Variants in FREM2 observed in about 807,000 individuals in gnomAD.
The protein encoded by FREM2 is FRAS1 related extracellular matrix 2, also known as FRAS1-related extracellular matrix protein 2.
FREM2 carries 119 observed loss-of-function variants against 219.9 expected under a neutral mutation model. The ratio of observed to expected loss-of-function variants is 0.54; its 90% CI spans 0.47 to 0.63. The LOEUF (loss-of-function observed/expected upper bound fraction) is 0.63, where lower values mean the gene tolerates loss of function less well. Ranked by LOEUF, FREM2 falls within the 30% of genes least tolerant of loss-of-function variation. The pLI is 0.00. For missense variants in FREM2, 4,030 were observed against 3,993.6 expected (o/e 1.01, Z -0.25); for synonymous variants, 1,562 against 1,522.8 (o/e 1.03, Z -0.60).
At chr13:38,702,315 C>T (rs1044620521) in intron 2 of FREM2, among the ~76,000 whole-genome samples, 17 of 151,970 alleles carry the variant, frequency 1.1e-4, no homozygotes, top group Middle Eastern at 3.2e-3. Context: ...AAAAACTTGT[C>T]GGTTTATTAT....
At chr13:38,814,465 G>T (rs1338857810) in intron 6 of FREM2, among the ~76,000 whole-genome samples, 1 of 152,160 alleles carries the variant, frequency 6.6e-6, no homozygotes, top group Non-Finnish European at 1.5e-5. Flanking sequence ...GGATTACAAG[G>T]CAGAGGCTCT....
intron 5 of FREM2, among the ~76,000 whole-genome samples, chr13:38,783,715 T>C (rs1219891995): frequency 6.6e-6 from 1 of 152,220 alleles, no homozygotes; most frequent in East Asian, 1.9e-4. Context: ...AATCAAAAGT[T>C]ATATATGCTG....
At position 38,857,926 on chromosome 13, in the gene FREM2, A is replaced by G; in HGVS notation, c.7108A>G (p.Thr2370Ala). Reference protein sequence around the residue: ...IEEMSSMADVTFPSVPQIVSL... With the variant: ...IEEMSSMADVAFPSVPQIVSL... ...AGAAATGAGCAGCATGGCAGATGTC[A>G]CTTTTCCTTCTGTCCCTCAAATTGT... The change falls in exon 13 of 24, where the codon ACT (threonine) becomes GCT (alanine). Residue 2370 changes from threonine (T) to alanine (A), a missense_variant. Around this residue, in one of 2 missense-constraint regions of FREM2, gnomAD observed 928 missense variants for 1,042.9 expected, o/e 0.89. Transcript: ENST00000280481. 5 of 1,613,870 alleles carry G rather than the reference A, an allele frequency of 3.1e-6. No individual in the cohort carries two copies. The South Asian group carries it at 4.4e-5, about 14-fold the overall frequency.
chr13:38,704,015 G>T (rs982437629), intron 2 of FREM2, among the ~76,000 whole-genome samples: 43 of 152,232 alleles, frequency 2.8e-4, no homozygotes, highest in African/African-American at 9.9e-4. Flanking sequence ...TGCTCTGATG[G>T]CTGGGAGAAG....
rs759639276 is a variant in FREM2, at chr13:38,850,061, C to T, written c.6403C>T (p.Arg2135Ter). ...SDLPKMQFKE[R>*]IYTGSESDGQ... ...AGTGCCTAAGATGCAATTCAAAGAA[C>T]GAATATATACTGGCAGCGAAAGTGA... Residue 2135 changes from arginine to a stop codon, truncating the protein, a stop_gained, in exon 9 of 24, where the codon CGA becomes TGA. Coordinates refer to ENST00000280481, the MANE Select transcript of FREM2 (RefSeq NM_207361.6). LOFTEE classifies it high-confidence loss of function. 1.3e-5 allele frequency: 21 copies of T among 1,613,784 alleles called. No individual in the cohort carries two copies. The highest frequency in any genetic ancestry group is 1.8e-5 in the Non-Finnish European group (21 of 1,179,738).
intron 9 of FREM2, among the ~76,000 whole-genome samples, chr13:38,850,671 G>A (rs749031687): frequency 6.6e-6 from 1 of 152,202 alleles, no homozygotes; most frequent in Non-Finnish European, 1.5e-5. Flanking sequence ...ATTGACATTT[G>A]TGCTTTTTCC....
intron 2 of FREM2, among the ~76,000 whole-genome samples, chr13:38,715,041 G>T (rs937475492): frequency 1.3e-5 from 2 of 152,134 alleles, no homozygotes; most frequent in Non-Finnish European, 2.9e-5. Context: ...ACAGTGAGCC[G>T]AGATCGTGCC....
intron 6 of FREM2, among the ~76,000 whole-genome samples, chr13:38,830,508 T>C (rs1876466066): frequency 6.6e-6 from 1 of 152,326 alleles, no homozygotes; most frequent in South Asian, 2.1e-4. Context: ...CCATGCTTGG[T>C]TTGCTTTTTT....
intron 6 of FREM2, among the ~76,000 whole-genome samples, chr13:38,790,888 A>G (rs1468759240): frequency 6.6e-6 from 1 of 152,204 alleles, no homozygotes. Flanking sequence ...AGATTATTTG[A>G]AGTCTTATTT....
chr13:38,780,198 A>C (rs1157755106), intron 4 of FREM2, among the ~76,000 whole-genome samples: 2 of 152,198 alleles, frequency 1.3e-5, no homozygotes, highest in Non-Finnish European at 2.9e-5. Context: ...ATATGTTTAA[A>C]ATGGAACTGT....
chr13:38,878,234 T>C lies in FREM2; in HGVS notation c.8772T>C (p.Asp2924=), dbSNP rs148086337. The C allele has an allele frequency of 1.6e-4, 252 of 1,613,792 alleles. No homozygotes were observed. The highest frequency in any genetic ancestry group is 2.0e-4 in the Non-Finnish European group (240 of 1,179,810). ...AGGTGTTTCTATGCACTGGAGCTGA[T>C]GGCTATGTTCCCAAGTATAGTCCAA... ...IEKVFLCTGA[D]GYVPKYSPMN... The change falls in exon 22 of 24, where the codon GAT becomes GAC. Residue 2924 remains aspartate, a synonymous_variant. Coordinates refer to ENST00000280481, the MANE Select transcript of FREM2 (RefSeq NM_207361.6).
At chr13:38,771,787 C>A (rs1188927624) in intron 4 of FREM2, among the ~76,000 whole-genome samples, 1 of 152,074 alleles carries the variant, frequency 6.6e-6, no homozygotes, top group Non-Finnish European at 1.5e-5. Flanking sequence ...GGTCTTGAAA[C>A]CCAACTCTAT....
At chr13:38,873,045 T>C in intron 17 of FREM2, 111 bp downstream of exon 17, 1 of 834,698 alleles carries the variant, frequency 1.2e-6, no homozygotes, top group Non-Finnish European at 2.0e-6. Context: ...TCAGTATATT[T>C]TCATTTTCTA....
chr13:38,764,138 T>C (rs963605315), intron 2 of FREM2, among the ~76,000 whole-genome samples, 166 bp from the exon 3 acceptor site: 1 of 152,248 alleles, frequency 6.6e-6, no homozygotes, highest in Admixed American at 6.5e-5. Flanking sequence ...TGTGTAACAG[T>C]CTCTAGACTG....
Position 38,783,077 on chromosome 13 carries a change from T to A in FREM2, c.5649T>A (p.Thr1883=). 1 of 1,613,686 alleles carries A rather than the reference T, an allele frequency of 6.2e-7. No individual in the cohort carries two copies. Among genetic ancestry groups the A allele is most frequent in the Non-Finnish European group, 8.5e-7 (1 of 1,179,938 alleles). ...ATTGTGTTTTCTCTCTAGAGCCAAC[T>A]GTGTTTATTCCCCAGTCCAAATACT... is the stretch of plus-strand genomic sequence containing the variant. The part of the protein sequence containing the change: ...VEIVDPGDEP[T]VFIPQSKYSV... The change falls in exon 5 of 24, where the codon ACT becomes ACA. Residue 1883 remains threonine (T), a synonymous_variant. Coordinates refer to ENST00000280481, the MANE Select transcript of FREM2 (RefSeq NM_207361.6).
Position 38,764,454 on chromosome 13 carries a change from A to C in FREM2, c.5410+4A>C. The C allele has an allele frequency of 6.7e-7, 1 of 1,491,402 alleles. No homozygotes were observed. The highest frequency in any genetic ancestry group is 1.2e-5 in the South Asian group (1 of 82,566). The allele number at this position is 1,491,402 out of a possible 1,614,324, so 92.4% of individuals were successfully genotyped here. A position where few individuals can be genotyped will look rare whatever the true frequency, so the allele number is the denominator to read the frequency against. On this transcript the variant is annotated splice_donor_region_variant and intron_variant, in intron 3 of 23. Transcript: ENST00000280481. ...TTGGGAGAAACTTCTTTTATAAGTA[A>C]GTTTAATTTTTTATTTCTGTTTTAA...
chr13:38,867,879 A>G (rs1878027883), intron 16 of FREM2, among the ~76,000 whole-genome samples: 1 of 152,220 alleles, frequency 6.6e-6, no homozygotes, highest in South Asian at 2.1e-4. Context: ...GCCCACTTAC[A>G]TTGAGTGAGG....
rs187650280 is a variant in FREM2 at position 38,787,338 on chromosome 13, C to T, written c.6019+2530C>T. ...TTTCTCCCATCTGTCATTTACCTTC[C>T]ACTTCTAACATCACTACTATAGTTT... On this transcript the variant is annotated intron_variant, in intron 6 of 23. Transcript: ENST00000280481. Among the ~76,000 whole-genome samples the T allele has an allele frequency of 7.2e-5, 11 of 152,270 alleles. No individual in the cohort carries two copies. In the East Asian group the frequency reaches 1.9e-3, roughly 27 times the overall value.
chr13:38,690,490 C>T lies in FREM2; in HGVS notation c.3146C>T (p.Thr1049Ile), dbSNP rs777838748. The change falls in exon 1 of 24, where the codon ACT (threonine) becomes ATT (isoleucine). Residue 1049 changes from threonine (T) to isoleucine (I), a missense_variant. Thr to Ile is a moderately conservative substitution (Grantham distance 89). Around this residue, in one of 2 missense-constraint regions of FREM2, gnomAD observed 3,102 missense variants for 2,950.7 expected, o/e 1.05. Coordinates refer to ENST00000280481, the MANE Select transcript of FREM2 (RefSeq NM_207361.6). ...CAAGAATGGAGAATTGGTGGCAATA[C>T]TATCCAAGGAGTTACTATATGGGTG... ...MSQEWRIGGNTIQGVTIWVTI... is the reference protein window; with the variant it reads ...MSQEWRIGGNIIQGVTIWVTI... 13 of 1,614,202 alleles carry T rather than the reference C, an allele frequency of 8.1e-6. No individual in the cohort carries two copies. Among genetic ancestry groups the T allele is most frequent in the Non-Finnish European group, 1.1e-5 (13 of 1,180,036 alleles).
Sources: gnomAD v4.1 joint callset for allele counts (sites outside exome capture counted in the v4.1 genomes callset) on GRCh38, gnomAD v4.1.1 for gene constraint, gnomAD v4.1.1 regional missense constraint, MANE v1.5 for transcripts, NCBI Gene and HGNC (gene_info 2026-07-23, HGNC 2026-07-21) for gene names.